NPR1: variants seen among roughly 807,000 people sequenced by gnomAD.
NPR1 encodes the protein atrial natriuretic peptide receptor 1.
In NPR1, 57 loss-of-function variants were observed where a neutral mutation model predicts 116.9. The ratio of observed to expected loss-of-function variants is 0.49; its 90% confidence interval spans 0.39 to 0.61. NPR1 has a LOEUF of 0.61. NPR1 is among the 20% of genes least tolerant of loss of function. The pLI is 0.00. For missense variants in NPR1, 1,096 were observed against 1,409.8 expected, an observed-to-expected ratio of 0.78 and a Z score of 3.56; for synonymous variants, 555 against 601.6, an observed-to-expected ratio of 0.92 and a Z score of 1.13.
chr1:153,689,410 G>C lies in NPR1; in HGVS notation c.2689-43G>C. ...GCTTTACCCACCTGACCCCAGGTGG[G>C]GTCCCCTACTTCCTGTCTCTCTTAG... On this transcript the variant is annotated intron_variant, in intron 17 of 21. Transcript: ENST00000368680. This position sits in a 1 kb window ranked among gnomAD's most constrained non-coding sequence, Gnocchi z 5.1. 3 of 1,613,670 alleles carry C rather than the reference G, an allele frequency of 1.9e-6. No homozygotes were observed. The South Asian group carries it at 3.3e-5, about 18-fold the overall frequency.
intron 3 of NPR1, 158 bp from the exon 4 acceptor site, chr1:153,681,546 A>G (rs1436203564): frequency 1.2e-5 from 9 of 761,582 alleles, no homozygotes; most frequent in Non-Finnish European, 1.9e-5. Context: ...TGCTAATCCA[A>G]AGGCATCGTT....
In NPR1 at chr1:153,685,018, G is replaced by A; in HGVS notation, c.1539G>A (p.Glu513=). The part of the protein sequence containing the change: ...LASELWRVRW[E]DVEPSSLERH... Reference sequence around the variant, plus strand: ...CGGAGCTGTGGCGGGTGCGCTGGGAGGACGTTGAGCCCAGTAGCCTTGAGA... The same window carrying A: ...CGGAGCTGTGGCGGGTGCGCTGGGAAGACGTTGAGCCCAGTAGCCTTGAGA... Residue 513 remains glutamate (E), a synonymous_variant, in exon 8 of 22, where the codon GAG becomes GAA. Transcript: ENST00000368680. 6.2e-7 allele frequency: 1 copy of A among 1,614,090 alleles called. No individual in the cohort carries two copies. The highest frequency in any genetic ancestry group is 8.5e-7 in the Non-Finnish European group (1 of 1,179,966).
Position 153,679,129 on chromosome 1 carries a change from C to G in NPR1, c.21C>G (p.Pro7=). The change falls in exon 1 of 22, where the codon CCC becomes CCG. Residue 7 remains proline (P), a synonymous_variant. Coordinates refer to ENST00000368680, the MANE Select transcript of NPR1 (RefSeq NM_000906.4). The surrounding 1 kb of genome is among the most constrained non-coding windows in gnomAD (Gnocchi z 4.2). The part of the protein sequence containing the change: MPGPRR[P]AGSRLRLLLL... ...AGGCCATGCCGGGGCCCCGGCGCCCCGCTGGCTCCCGCCTGCGCCTGCTCC... is the reference window on the plus strand; with the variant it reads ...AGGCCATGCCGGGGCCCCGGCGCCCGGCTGGCTCCCGCCTGCGCCTGCTCC... 2 of 1,439,776 alleles carry G rather than the reference C, an allele frequency of 1.4e-6. No homozygotes were observed. The highest frequency in any genetic ancestry group is 1.8e-6 in the Non-Finnish European group (2 of 1,107,646). The allele number at this position is 1,439,776 out of a possible 1,614,324, so 89.2% of individuals were successfully genotyped here. A position where few individuals can be genotyped will look rare whatever the true frequency, so the allele number is the denominator to read the frequency against.
chr1:153,690,138 C>G, intron 19 of NPR1, 146 bp from the exon 20 acceptor site: 1 of 593,684 alleles, frequency 1.7e-6, no homozygotes, highest in Admixed American at 2.9e-5. Flanking sequence ...CTCTCTCTCT[C>G]TCTCACACAC....
In NPR1 at chr1:153,679,602, TG is replaced by T; in HGVS notation, c.499del (p.Asp167ThrfsTer160). On this transcript the variant is annotated frameshift_variant, in exon 1 of 22. Transcript: ENST00000368680. LOFTEE classifies it high-confidence loss of function. This position sits in a 1 kb window ranked among gnomAD's most constrained non-coding sequence, Gnocchi z 4.2. ...TTRAGPSYAKLGDFVAALHRR... is the reference protein window; with the variant it reads ...TTRAGPSYAKXGDFVAALHRR... ...CGCGCGGGGCCCAGCTACGCCAAGCTGGGGGACTTCGTGGCGGCGCTGCACC... is the reference window on the plus strand; with the variant it reads ...CGCGCGGGGCCCAGCTACGCCAAGCTGGGGACTTCGTGGCGGCGCTGCACC... The T allele has an allele frequency of 1.3e-6, 2 of 1,582,780 alleles. No homozygotes were observed.
Position 153,683,511 on chromosome 1 carries a change from G to C in NPR1, c.1399G>C (p.Asp467His). 1 of 1,614,102 alleles carries C rather than the reference G, an allele frequency of 6.2e-7. No homozygotes were observed. Among genetic ancestry groups the C allele is most frequent in the African/African-American group, 1.3e-5 (1 of 75,040 alleles). ...FDNEDPACNQ[D>H]HLSTLEVLAL... Reference sequence around the variant, plus strand: ...CAACGAAGACCCAGCATGCAACCAAGGTGACTGCCCCTTGCCTTCCAGGCC... The same window carrying C: ...CAACGAAGACCCAGCATGCAACCAACGTGACTGCCCCTTGCCTTCCAGGCC... The change falls in exon 6 of 22, where the codon GAT becomes CAT. Residue 467 changes from aspartate to histidine, a missense_variant and splice_region_variant. By Grantham distance (81) the Asp-to-His change is moderately conservative. Coordinates refer to ENST00000368680, the MANE Select transcript of NPR1 (RefSeq NM_000906.4).
At chr1:153,690,186 C>T in intron 19 of NPR1, 98 bp from the exon 20 acceptor site, 2 of 942,706 alleles carry the variant, frequency 2.1e-6, no homozygotes, top group Non-Finnish European at 3.3e-6. Context: ...ACCTCAGATC[C>T]TGCCTCCTGC....
At chr1:153,685,397 C>T (rs796933003) in intron 8 of NPR1, among the ~76,000 whole-genome samples, 17 of 152,086 alleles carry the variant, frequency 1.1e-4, no homozygotes, top group African/African-American at 4.1e-4. Flanking sequence ...GGCACAGTGG[C>T]TCACATCTGC....
At position 153,688,162 on chromosome 1, in the gene NPR1, G is replaced by A. The variant is rs569298403; in HGVS notation, c.2358G>A (p.Glu786=). Reference sequence around the variant, plus strand: ...TGCTCATGCAGCGGTGCTGGGCTGAGGACCCACAGGAGAGGCCACCATTCC... The same window carrying A: ...TGCTCATGCAGCGGTGCTGGGCTGAAGACCCACAGGAGAGGCCACCATTCC... ...LGLLMQRCWA[E]DPQERPPFQQ... is the part of the protein sequence containing the mutation. Residue 786 remains glutamate (E), a synonymous_variant, in exon 15 of 22, where the codon GAG becomes GAA. Transcript: ENST00000368680. 237 of 1,613,950 alleles carry A rather than the reference G, an allele frequency of 1.5e-4. 2 individuals carry two copies. In the South Asian group the frequency reaches 2.4e-3, roughly 16 times the overall value.
chr1:153,678,779 C>G lies in NPR1; in HGVS notation c.-330C>G, dbSNP rs1176325866. ...CTCTCTCATCCTTCTTCACGAAGCG[C>G]TCACTCGCACCCTTTCTCTCTCTCT... On this transcript the variant is annotated 5_prime_UTR_variant, in exon 1 of 22. Coordinates refer to ENST00000368680, the MANE Select transcript of NPR1 (RefSeq NM_000906.4). This position sits in a 1 kb window ranked among gnomAD's most constrained non-coding sequence, Gnocchi z 5.8. 2.8e-6 allele frequency: 1 copy of G among 353,334 alleles called. No homozygotes were observed. Among genetic ancestry groups the G allele is most frequent in the East Asian group, 4.7e-5 (1 of 21,148 alleles). 21.9% of individuals were successfully genotyped at this position (353,334 alleles called of 1,614,324 possible).
At chr1:153,680,458 G>A (rs1669736300) in intron 1 of NPR1, 43 bp from the exon 2 acceptor site, 7 of 1,592,010 alleles carry the variant, frequency 4.4e-6, no homozygotes, top group South Asian at 1.1e-5. Flanking sequence ...TGTCTCTCCC[G>A]CAGTACCTAG....
intron 10 of NPR1, 141 bp downstream of exon 10, chr1:153,686,341 T>A (rs1471056271): frequency 1.2e-6 from 1 of 814,388 alleles, no homozygotes; most frequent in Non-Finnish European, 2.1e-6. Context: ...TGGACCTTCA[T>A]CTTGTGGGTG....
chr1:153,690,092 C>T, intron 19 of NPR1, 112 bp downstream of exon 19: 1 of 663,550 alleles, frequency 1.5e-6, no homozygotes, highest in Non-Finnish European at 2.4e-6. Context: ...CTCTCTCTCT[C>T]TCTCTCTCTC....
chr1:153,693,435 T>A lies in NPR1; in HGVS notation c.*21T>A, dbSNP rs773624555. The A allele has an allele frequency of 1.3e-6, 2 of 1,553,872 alleles. No homozygotes were observed. Among genetic ancestry groups the A allele is most frequent in the Non-Finnish European group, 8.7e-7 (1 of 1,151,542 alleles). On this transcript the variant is annotated 3_prime_UTR_variant, in exon 22 of 22. Coordinates refer to ENST00000368680, the MANE Select transcript of NPR1 (RefSeq NM_000906.4). Reference sequence around the variant, plus strand: ...GCTGACCTGCCTCCTCTCCTATCCCTCCACACCTCCCTACCCTGTGCCAGA... The same window carrying A: ...GCTGACCTGCCTCCTCTCCTATCCCACCACACCTCCCTACCCTGTGCCAGA...
Position 153,689,673 on chromosome 1 carries a change from GA to G in NPR1, c.2758-131del. On this transcript the variant is annotated intron_variant, in intron 18 of 21. Coordinates refer to ENST00000368680, the MANE Select transcript of NPR1 (RefSeq NM_000906.4). This position sits in a 1 kb window ranked among gnomAD's most constrained non-coding sequence, Gnocchi z 5.1. ...ACAGGGAGACCCGGGAACAGGCAGA[GA>G]ACCCATGTGGGATGGGGGATGAGCA... 1 of 1,218,562 alleles carries G rather than the reference GA, an allele frequency of 8.2e-7. No individual in the cohort carries two copies. The highest frequency in any genetic ancestry group is 1.4e-5 in the South Asian group (1 of 70,942). The allele number at this position is 1,218,562 out of a possible 1,614,324, so 75.5% of individuals were successfully genotyped here. A position where few individuals can be genotyped will look rare whatever the true frequency, so the allele number is the denominator to read the frequency against.
Position 153,693,353 on chromosome 1 carries a change from G to T in NPR1, c.3125G>T (p.Gly1042Val). The T allele has an allele frequency of 6.2e-7, 1 of 1,613,142 alleles. No individual in the cohort carries two copies. Among genetic ancestry groups the T allele is most frequent in the Non-Finnish European group, 8.5e-7 (1 of 1,179,594 alleles). The change falls in exon 22 of 22, where the codon GGC becomes GTC. Residue 1042 changes from glycine to valine, a missense_variant and splice_region_variant. Gly to Val is a moderately radical substitution (Grantham distance 109). Coordinates refer to ENST00000368680, the MANE Select transcript of NPR1 (RefSeq NM_000906.4). Reference sequence around the variant, plus strand: ...GCCCATCCTCTTTTTTCCCTCCAGGGCAAAGGCAAGGTTCGGACCTACTGG... The same window carrying T: ...GCCCATCCTCTTTTTTCCCTCCAGGTCAAAGGCAAGGTTCGGACCTACTGG... ...LELRGDVEMK[G>V]KGKVRTYWLL...
intron 4 of NPR1, among the ~76,000 whole-genome samples, chr1:153,682,267 T>C (rs1474954908): frequency 4.0e-5 from 6 of 151,722 alleles, no homozygotes; most frequent in Admixed American, 3.9e-4. Flanking sequence ...ACCACGTTGG[T>C]CAGGCTGGTC....
At position 153,684,974 on chromosome 1, in the gene NPR1, C is replaced by A. The variant is rs1206769316; in HGVS notation, c.1495C>A (p.Leu499Met). 6.2e-7 allele frequency: 1 copy of A among 1,614,070 alleles called. No homozygotes were observed. The highest frequency in any genetic ancestry group is 8.5e-7 in the Non-Finnish European group (1 of 1,179,964). ...GCCTTCGTATCCCAGGAAGATGCAGCTGGAGAAGGAACTGGCCTCGGAGCT... is the reference window on the plus strand; with the variant it reads ...GCCTTCGTATCCCAGGAAGATGCAGATGGAGAAGGAACTGGCCTCGGAGCT... ...VSFFIYRKMQ[L>M]EKELASELWR... The change falls in exon 8 of 22, where the codon CTG becomes ATG. Residue 499 changes from leucine to methionine, a missense_variant. Leu to Met is a conservative substitution (Grantham distance 15). Transcript: ENST00000368680.
intron 8 of NPR1, 114 bp downstream of exon 8, chr1:153,685,198 G>T: frequency 1.6e-5 from 23 of 1,406,122 alleles, no homozygotes; most frequent in Non-Finnish European, 2.2e-5. Flanking sequence ...GCTTTCACTT[G>T]CTGTGTGACC....
Sources: allele counts gnomAD v4.1 joint callset (sites outside exome capture counted in the v4.1 genomes callset), GRCh38; gene constraint gnomAD v4.1.1; non-coding constraint Gnocchi (gnomAD v3.1); transcripts MANE v1.5; gene names NCBI Gene and HGNC (gene_info 2026-07-23, HGNC 2026-07-21).